The following NAA15 variants were observed in gnomAD, a reference collection of about 807,000 sequenced individuals.
The protein encoded by NAA15 is N-terminal acetyltransferase.
In NAA15, 34 loss-of-function variants were observed where a neutral mutation model predicts 114.0. That is an observed-to-expected ratio of 0.30 (90% CI 0.23 to 0.40). The LOEUF (loss-of-function observed/expected upper bound fraction) is 0.40. Among genes scored for constraint, NAA15 ranks in the 10% least tolerant of loss-of-function variants. The pLI, the probability that NAA15 is intolerant of heterozygous loss-of-function variation, is 1.00. For synonymous variants in NAA15, 340 were observed against 338.0 expected, an observed-to-expected ratio of 1.01 and a Z score of -0.06; for missense variants, 658 against 1,004.5, an observed-to-expected ratio of 0.66 and a Z score of 4.66.
In NAA15 at chr4:139,317,752, A is replaced by G. The variant is rs189614538; in HGVS notation, c.54+15921A>G. On this transcript the variant is annotated intron_variant, in intron 1 of 19. Transcript: ENST00000296543. ...AAATAATTTGCAATTCAGGTTTTGTATAATTGGATAATTGGTTATACTTCT... is the reference window on the plus strand; with the variant it reads ...AAATAATTTGCAATTCAGGTTTTGTGTAATTGGATAATTGGTTATACTTCT... 7.2e-5 allele frequency among the ~76,000 whole-genome samples: 11 copies of G among 152,346 alleles called. No individual in the cohort carries two copies. The East Asian group carries it at 1.7e-3, about 24-fold the overall frequency.
At chr4:139,350,823 A>C (rs2167249) in intron 7 of NAA15, among the ~76,000 whole-genome samples, 20,881 of 152,244 alleles carry the variant, frequency 0.14, 1,764 homozygotes, top group Non-Finnish European at 0.19. Flanking sequence ...AAAAATTTTA[A>C]TTGAATGGAA....
At chr4:139,324,418 A>G (rs199587761) in intron 1 of NAA15, among the ~76,000 whole-genome samples, 2 of 152,238 alleles carry the variant, frequency 1.3e-5, no homozygotes, top group African/African-American at 2.4e-5. Flanking sequence ...TGAAATTTCA[A>G]GAACTCCCCA....
chr4:139,312,847 G>A (rs766929638), intron 1 of NAA15, among the ~76,000 whole-genome samples: 2 of 151,190 alleles, frequency 1.3e-5, no homozygotes, highest in Non-Finnish European at 2.9e-5. Context: ...CCTTGTCTGG[G>A]GGGGAAAAAA....
At chr4:139,328,838 T>C (rs1746896466) in intron 1 of NAA15, among the ~76,000 whole-genome samples, 1 of 151,838 alleles carries the variant, frequency 6.6e-6, no homozygotes. Context: ...CGTGTTGGGA[T>C]TGCAGGCGTG....
At chr4:139,380,259 G>C (rs55886231) in intron 17 of NAA15, among the ~76,000 whole-genome samples, 3 of 74,264 alleles carry the variant, frequency 4.0e-5, no homozygotes, top group African/African-American at 2.0e-4. Context: ...TAGTTTTTTT[G>C]GGGGGGGGGA....
intron 14 of NAA15, among the ~76,000 whole-genome samples, chr4:139,365,885 G>A (rs1286892993): frequency 3.3e-5 from 5 of 152,054 alleles, no homozygotes; most frequent in African/African-American, 1.2e-4. Flanking sequence ...TATAAGGTAT[G>A]CATTATATCT....
At chr4:139,365,141 A>G (rs916436555) in intron 14 of NAA15, among the ~76,000 whole-genome samples, 2 of 152,136 alleles carry the variant, frequency 1.3e-5, no homozygotes, top group Non-Finnish European at 2.9e-5. Context: ...GGTTTCAAGC[A>G]ATTGTCCTGC....
intron 1 of NAA15, among the ~76,000 whole-genome samples, chr4:139,314,108 A>G (rs991625776): frequency 3.9e-5 from 6 of 152,016 alleles, no homozygotes; most frequent in African/African-American, 1.5e-4. Flanking sequence ...TACCTTGAAA[A>G]AGACAGTGCT....
chr4:139,357,995 T>C (rs1301012937), intron 11 of NAA15, among the ~76,000 whole-genome samples: 1 of 152,198 alleles, frequency 6.6e-6, no homozygotes, highest in Non-Finnish European at 1.5e-5. Flanking sequence ...TCTCAACTCC[T>C]GGGCCTTGCT....
chr4:139,308,101 A>G (rs918062793), intron 1 of NAA15, among the ~76,000 whole-genome samples: 10 of 151,934 alleles, frequency 6.6e-5, no homozygotes, highest in Non-Finnish European at 1.5e-4. Flanking sequence ...AGCTGAGACT[A>G]CAGGCACCTG....
chr4:139,359,618 A>T, intron 11 of NAA15, 125 bp from the exon 12 acceptor site: 2 of 821,158 alleles, frequency 2.4e-6, no homozygotes, highest in Non-Finnish European at 3.7e-6. Flanking sequence ...ATTGATTAGC[A>T]TCTAAGAGTC....
intron 1 of NAA15, among the ~76,000 whole-genome samples, chr4:139,319,840 C>G (rs1746540393): frequency 6.6e-6 from 1 of 152,216 alleles, no homozygotes. Context: ...GAGAATGTCT[C>G]TTTCTGGGAT....
At chr4:139,379,448 A>T (rs1392209622) in intron 17 of NAA15, 1 of 152,234 alleles carries the variant, frequency 6.6e-6, no homozygotes, top group Non-Finnish European at 1.5e-5. Context: ...ACCTTAAAAG[A>T]TGACTTATTC....
chr4:139,355,977 A>G (rs1747936903), intron 10 of NAA15, among the ~76,000 whole-genome samples: 2 of 152,216 alleles, frequency 1.3e-5, no homozygotes, highest in Admixed American at 1.3e-4. Context: ...AGCATGATAA[A>G]TGGATTTTTT....
At chr4:139,315,006 T>G (rs201159523) in intron 1 of NAA15, among the ~76,000 whole-genome samples, 5,500 of 101,374 alleles carry the variant, frequency 0.054, 425 homozygotes, top group Middle Eastern at 0.079. Context: ...TTCAGTTTAG[T>G]TTAGGTTAGG....
At chr4:139,370,796 T>C (rs1748414544) in intron 15 of NAA15, among the ~76,000 whole-genome samples, 2 of 152,232 alleles carry the variant, frequency 1.3e-5, no homozygotes, top group Non-Finnish European at 2.9e-5. Flanking sequence ...AATACATATG[T>C]AAAGCATCTA....
intron 18 of NAA15, among the ~76,000 whole-genome samples, chr4:139,385,286 ATATATATATATATAATATATAT>A (rs1473071867): frequency 1.0e-5 from 1 of 95,280 alleles, no homozygotes; most frequent in Non-Finnish European, 2.3e-5. Flanking sequence ...TATATATAAT[ATATATATATATATAATATATAT>A]TATATATATA....
intron 18 of NAA15, among the ~76,000 whole-genome samples, chr4:139,385,509 G>A (rs1179958926): frequency 2.6e-5 from 4 of 151,744 alleles, no homozygotes; most frequent in South Asian, 4.1e-4. Flanking sequence ...AATTCACTCA[G>A]ATAGGACCAT....
At chr4:139,371,914 TTTTG>T (rs754793509) in intron 15 of NAA15, among the ~76,000 whole-genome samples, 30 of 152,102 alleles carry the variant, frequency 2.0e-4, no homozygotes, top group African/African-American at 2.9e-4. Context: ...TGTATTTCTC[TTTTG>T]TTTGTTTGTT....
Sources: gnomAD v4.1 joint callset for allele counts (sites outside exome capture counted in the v4.1 genomes callset) on GRCh38, gnomAD v4.1.1 for gene constraint, MANE v1.5 for transcripts, NCBI Gene and HGNC (gene_info 2026-07-23, HGNC 2026-07-21) for gene names.